The following TTC39B variants were observed in gnomAD, a reference collection of about 807,000 sequenced individuals.
TTC39B encodes tetratricopeptide repeat domain 39B.
TTC39B carries 92 observed loss-of-function variants against 96.6 expected under a neutral mutation model. That is an observed-to-expected ratio of 0.95 (90% confidence interval 0.80 to 1.13). The LOEUF is 1.13. Among genes scored for constraint, TTC39B ranks in the 50% most tolerant of loss-of-function variants. The pLI is 0.00. For synonymous variants in TTC39B, 367 were observed against 299.4 expected (o/e 1.23, Z -2.33); for missense variants, 955 against 809.3 (o/e 1.18, Z -2.18).
At chr9:15,274,519 T>A (rs1823468952) in intron 1 of TTC39B, among the ~76,000 whole-genome samples, 1 of 152,212 alleles carries the variant, frequency 6.6e-6, no homozygotes, top group African/African-American at 2.4e-5. Context: ...CCTCATACCC[T>A]CCTTAAAGGA....
chr9:15,220,860 G>A (rs1820803339), intron 3 of TTC39B, among the ~76,000 whole-genome samples: 1 of 152,070 alleles, frequency 6.6e-6, no homozygotes, highest in South Asian at 2.1e-4. Flanking sequence ...CACATTTTGG[G>A]CAAGAGTCTA....
At position 15,289,196 on chromosome 9, in the gene TTC39B, T is replaced by C. The variant is rs143521447; in HGVS notation, c.240+17888A>G. On this transcript the variant is annotated intron_variant, in intron 1 of 19. Transcript: ENST00000512701. ...AAAAGGACATTTACCAGTGTTGGTA[T>C]TTTAAAATAAAAACAAAACCTTTCC... is the stretch of plus-strand genomic sequence containing the variant. Among the ~76,000 whole-genome samples, 606 of 152,298 alleles carry C rather than the reference T, an allele frequency of 4.0e-3. 9 individuals are homozygous for C. The highest frequency in any genetic ancestry group is 0.014 in the African/African-American group (590 of 41,554).
At chr9:15,208,122 T>C (rs1053669737) in intron 6 of TTC39B, among the ~76,000 whole-genome samples, 1 of 151,466 alleles carries the variant, frequency 6.6e-6, no homozygotes, top group Non-Finnish European at 1.5e-5. Flanking sequence ...CTCCACCTCC[T>C]GGGTTCAAGC....
chr9:15,219,333 A>C (rs886830568), intron 3 of TTC39B, among the ~76,000 whole-genome samples: 11 of 151,698 alleles, frequency 7.3e-5, no homozygotes, highest in Admixed American at 5.3e-4. Context: ...ACCTGCCCCA[A>C]CTCCCCTGCT....
intron 8 of TTC39B, among the ~76,000 whole-genome samples, chr9:15,195,818 T>G (rs565699283): frequency 1.3e-5 from 2 of 152,286 alleles, no homozygotes; most frequent in African/African-American, 4.8e-5. Context: ...AAAATGGCCT[T>G]CTATTGGAAG....
chr9:15,166,172 T>C (rs73646008), exon 20 of TTC39B: 1 of 152,370 alleles, frequency 6.6e-6, no homozygotes, highest in African/African-American at 2.4e-5. Context: ...ATGTTAATAT[T>C]CAACAAGTTT....
At chr9:15,193,992 G>C (rs750267043) in intron 8 of TTC39B, among the ~76,000 whole-genome samples, 27 of 152,246 alleles carry the variant, frequency 1.8e-4, no homozygotes, top group African/African-American at 5.8e-4. Context: ...GCCAGAAAAA[G>C]GGCATTGATG....
At chr9:15,231,817 G>A (rs12237986) in intron 2 of TTC39B, among the ~76,000 whole-genome samples, 14,538 of 152,216 alleles carry the variant, frequency 0.096, 1,414 homozygotes, top group East Asian at 0.6. Context: ...TTCCATCAAC[G>A]TTAAAATCTC....
At chr9:15,226,683 C>T (rs1821139947) in intron 2 of TTC39B, among the ~76,000 whole-genome samples, 1 of 152,122 alleles carries the variant, frequency 6.6e-6, no homozygotes, top group Admixed American at 6.5e-5. Context: ...TAAATACACA[C>T]CACAGAAAGC....
intron 1 of TTC39B, among the ~76,000 whole-genome samples, chr9:15,294,445 A>C (rs963246556): frequency 3.3e-5 from 5 of 152,222 alleles, no homozygotes; most frequent in Non-Finnish European, 7.3e-5. Context: ...AAATGTTTGG[A>C]GAAAACAAAG....
chr9:15,274,228 G>C (rs1049662444), intron 1 of TTC39B, among the ~76,000 whole-genome samples: 8 of 152,068 alleles, frequency 5.3e-5, no homozygotes, highest in African/African-American at 1.9e-4. Flanking sequence ...AAATATATAC[G>C]TACCCTGAGC....
At chr9:15,260,675 G>A (rs7846965) in intron 2 of TTC39B, among the ~76,000 whole-genome samples, 6,347 of 152,168 alleles carry the variant, frequency 0.042, 455 homozygotes, top group African/African-American at 0.14. Flanking sequence ...ACAATTTATG[G>A]TTCGAAAGAG....
At chr9:15,233,231 G>T (rs1417441619) in intron 2 of TTC39B, among the ~76,000 whole-genome samples, 1 of 152,148 alleles carries the variant, frequency 6.6e-6, no homozygotes, top group Non-Finnish European at 1.5e-5. Flanking sequence ...GAGAAGCATG[G>T]CCAACATTCC....
At chr9:15,172,264 G>C (rs183780996) in intron 19 of TTC39B, among the ~76,000 whole-genome samples, 155 bp from the exon 20 acceptor site, 2 of 151,964 alleles carry the variant, frequency 1.3e-5, no homozygotes, top group Non-Finnish European at 2.9e-5. Flanking sequence ...GGTTCTGTTG[G>C]GGGGTTTTGG....
chr9:15,289,486 G>C (rs1353632358), intron 1 of TTC39B, among the ~76,000 whole-genome samples: 1 of 152,206 alleles, frequency 6.6e-6, no homozygotes. Context: ...ATCCCCATTT[G>C]CTTGGTCAGG....
chr9:15,273,337 G>A (rs1823423232), intron 1 of TTC39B, among the ~76,000 whole-genome samples: 1 of 152,102 alleles, frequency 6.6e-6, no homozygotes, highest in Non-Finnish European at 1.5e-5. Flanking sequence ...GGTTTGAAAA[G>A]GAATATGTGA....
chr9:15,243,667 T>TG (rs1472793546), intron 2 of TTC39B, among the ~76,000 whole-genome samples: 2 of 152,192 alleles, frequency 1.3e-5, no homozygotes, highest in African/African-American at 4.8e-5. Context: ...CCCAGTGTTT[T>TG]GGGAGGCTGA....
In TTC39B at chr9:15,214,922, A is replaced by G. The variant is rs148813551; in HGVS notation, c.372-673T>C. Among the ~76,000 whole-genome samples the G allele has an allele frequency of 5.0e-3, 763 of 152,302 alleles. 7 individuals carry two copies. The highest frequency in any genetic ancestry group is 0.017 in the African/African-American group (726 of 41,558). ...CGACTTGCAAAAGGGAAATATTTCAATAAGTAAATGAGCAGTAGGATGATT... is the reference window on the plus strand; with the variant it reads ...CGACTTGCAAAAGGGAAATATTTCAGTAAGTAAATGAGCAGTAGGATGATT... On this transcript the variant is annotated intron_variant, in intron 3 of 19. Coordinates refer to ENST00000512701, the Ensembl canonical transcript of TTC39B.
chr9:15,234,867 T>G (rs186609776), intron 2 of TTC39B, among the ~76,000 whole-genome samples: 328 of 151,984 alleles, frequency 2.2e-3, no homozygotes, highest in African/African-American at 7.6e-3. Context: ...TCCCTAATCT[T>G]AAGTACCCAG....
Sources: allele counts gnomAD v4.1 joint callset (sites outside exome capture counted in the v4.1 genomes callset), GRCh38; gene constraint gnomAD v4.1.1; transcripts MANE v1.5; gene names NCBI Gene and HGNC (gene_info 2026-07-23, HGNC 2026-07-21).